PPFIA2: variants seen among roughly 807,000 people sequenced by gnomAD.
PPFIA2 encodes the protein PPFI scaffold protein A2, also known as liprin-alpha-2.
A neutral mutation model predicts 175.5 loss-of-function variants in PPFIA2; 46 were observed. The observed-to-expected ratio is 0.26, with a 90% CI of 0.21 to 0.34. The LOEUF (loss-of-function observed/expected upper bound fraction) is 0.34, where lower values mean the gene tolerates loss of function less well. Ranked by LOEUF, PPFIA2 falls within the 10% of genes least tolerant of loss-of-function variation. The pLI is 1.00. For synonymous variants in PPFIA2, 568 were observed against 511.4 expected (o/e 1.11, Z -1.49); for missense variants, 1,179 against 1,506.1 (o/e 0.78, Z 3.60).
chr12:81,487,500 A>G (rs1022884871), intron 4 of PPFIA2, among the ~76,000 whole-genome samples: 7 of 151,570 alleles, frequency 4.6e-5, no homozygotes, highest in Non-Finnish European at 1.0e-4. Context: ...TATTATTATT[A>G]ATTACTGGAA....
At chr12:81,665,529 C>G (rs1433869971) in intron 4 of PPFIA2, among the ~76,000 whole-genome samples, 6 of 151,922 alleles carry the variant, frequency 3.9e-5, no homozygotes, top group African/African-American at 1.5e-4. Flanking sequence ...CATGTGCCCT[C>G]TAAGTAGTTT....
intron 4 of PPFIA2, among the ~76,000 whole-genome samples, chr12:81,638,026 C>T (rs574284127): frequency 1.3e-5 from 2 of 152,088 alleles, no homozygotes; most frequent in African/African-American, 4.8e-5. Flanking sequence ...ATTCTTTTTC[C>T]CCATTACCCG....
intron 4 of PPFIA2, among the ~76,000 whole-genome samples, chr12:81,602,833 AG>A (rs1301114763): frequency 6.6e-6 from 1 of 151,860 alleles, no homozygotes; most frequent in East Asian, 1.9e-4. Context: ...ATTTTAGAAA[AG>A]GGTACATATA....
At chr12:81,709,487 G>T (rs1020187149) in intron 3 of PPFIA2, among the ~76,000 whole-genome samples, 2 of 151,728 alleles carry the variant, frequency 1.3e-5, no homozygotes, top group Non-Finnish European at 2.9e-5. Context: ...TTAACAAATG[G>T]TTGGTACACA....
intron 3 of PPFIA2, among the ~76,000 whole-genome samples, chr12:81,747,304 T>C (rs1379486464): frequency 1.4e-5 from 2 of 143,956 alleles, no homozygotes; most frequent in African/African-American, 4.9e-5. Context: ...CGCAGCACAA[T>C]AGGAAGGGAT....
At chr12:81,752,939 ATTT>A (rs60963783) in intron 3 of PPFIA2, among the ~76,000 whole-genome samples, 8 of 142,948 alleles carry the variant, frequency 5.6e-5, no homozygotes, top group Non-Finnish European at 7.7e-5. Context: ...TATGCTTTTC[ATTT>A]TTTTTTTTTT....
intron 3 of PPFIA2, among the ~76,000 whole-genome samples, chr12:81,683,760 T>G (rs909345481): frequency 2.6e-5 from 4 of 152,074 alleles, no homozygotes; most frequent in Admixed American, 2.6e-4. Flanking sequence ...AAGGATGACC[T>G]GAGGCTCGGT....
intron 2 of PPFIA2, among the ~76,000 whole-genome samples, chr12:81,755,668 A>AAAGTAT (rs1363747584): frequency 6.6e-6 from 1 of 152,188 alleles, no homozygotes; most frequent in Non-Finnish European, 1.5e-5. Context: ...GTATGTAAGT[A>AAAGTAT]AAGTATTTTG....
intron 3 of PPFIA2, among the ~76,000 whole-genome samples, chr12:81,699,337 A>G (rs1385029889): frequency 6.6e-6 from 1 of 151,930 alleles, no homozygotes; most frequent in Non-Finnish European, 1.5e-5. Flanking sequence ...ATATATTAAT[A>G]CATCAAAAGC....
intron 4 of PPFIA2, among the ~76,000 whole-genome samples, chr12:81,641,330 C>T (rs541453012): frequency 2.2e-4 from 33 of 152,260 alleles, no homozygotes; most frequent in African/African-American, 7.9e-4. Flanking sequence ...TATTATCTCA[C>T]CATATGTAGC....
intron 27 of PPFIA2, chr12:81,279,443 C>T (rs1403787654): frequency 2.0e-5 from 3 of 151,838 alleles, no homozygotes; most frequent in Admixed American, 1.3e-4. Flanking sequence ...TGAGATTAAA[C>T]CAATGCTTCT....
intron 4 of PPFIA2, among the ~76,000 whole-genome samples, chr12:81,622,961 C>A (rs1342212937): frequency 6.6e-6 from 1 of 152,056 alleles, no homozygotes; most frequent in Non-Finnish European, 1.5e-5. Context: ...TATACACATA[C>A]AGCAAGGTTT....
intron 21 of PPFIA2, among the ~76,000 whole-genome samples, chr12:81,337,348 T>C (rs1283842439): frequency 6.6e-6 from 1 of 152,170 alleles, no homozygotes; most frequent in East Asian, 1.9e-4. Flanking sequence ...GCTCAGAAAC[T>C]TTCCCAGGTA....
At chr12:81,435,390 G>T (rs1011205623) in intron 7 of PPFIA2, among the ~76,000 whole-genome samples, 2 of 152,180 alleles carry the variant, frequency 1.3e-5, no homozygotes, top group Non-Finnish European at 2.9e-5. Context: ...GCTCAGAAGA[G>T]TATATAAACT....
intron 12 of PPFIA2, 64 bp from the exon 13 acceptor site, chr12:81,368,920 T>C (rs2034320709): frequency 6.6e-7 from 1 of 1,521,498 alleles, no homozygotes; most frequent in Non-Finnish European, 8.9e-7. Context: ...TTTTATAGTG[T>C]TGCTAGTTTT....
At chr12:81,724,888 C>A (rs748309959) in intron 3 of PPFIA2, among the ~76,000 whole-genome samples, 1 of 150,956 alleles carries the variant, frequency 6.6e-6, no homozygotes, top group Non-Finnish European at 1.5e-5. Flanking sequence ...ATTTTTAGTT[C>A]TTTGAGCAAT....
chr12:81,301,500 A>G (rs2047830052), intron 22 of PPFIA2, among the ~76,000 whole-genome samples: 1 of 152,184 alleles, frequency 6.6e-6, no homozygotes, highest in African/African-American at 2.4e-5. Context: ...ACTTCTGACT[A>G]GTTCCCTAAT....
At chr12:81,585,477 T>G (rs1332924144) in intron 4 of PPFIA2, among the ~76,000 whole-genome samples, 1 of 151,944 alleles carries the variant, frequency 6.6e-6, no homozygotes, top group Admixed American at 6.6e-5. Flanking sequence ...CCGTATTCTA[T>G]AAGCTTCTTT....
intron 3 of PPFIA2, among the ~76,000 whole-genome samples, chr12:81,727,510 T>A (rs2080244866): frequency 6.6e-6 from 1 of 151,348 alleles, no homozygotes; most frequent in South Asian, 2.1e-4. Flanking sequence ...TTTGGGGATC[T>A]CTACTTTTGC....
Sources: gnomAD v4.1 joint callset for allele counts (sites outside exome capture counted in the v4.1 genomes callset) on GRCh38, gnomAD v4.1.1 for gene constraint, MANE v1.5 for transcripts, NCBI Gene and HGNC (gene_info 2026-07-23, HGNC 2026-07-21) for gene names.